The following CTNND2 variants were observed in gnomAD, a reference collection of about 807,000 sequenced individuals.
The protein encoded by CTNND2 is catenin delta 2.
In CTNND2, 22 loss-of-function variants were observed where a neutral mutation model predicts 144.4. The ratio of observed to expected loss-of-function variants is 0.15; its 90% CI spans 0.11 to 0.22. The LOEUF (loss-of-function observed/expected upper bound fraction) is 0.22, where lower values mean the gene tolerates loss of function less well. Among genes scored for constraint, CTNND2 ranks in the 10% least tolerant of loss-of-function variants. CTNND2 has a pLI of 1.00. For synonymous variants in CTNND2, 751 were observed against 695.6 expected, an observed-to-expected ratio of 1.08 and a Z score of -1.25; for missense variants, 1,353 against 1,618.8, an observed-to-expected ratio of 0.84 and a Z score of 2.82.
intron 18 of CTNND2, among the ~76,000 whole-genome samples, chr5:11,016,130 G>C (rs1741577459): frequency 6.6e-6 from 1 of 152,108 alleles, no homozygotes; most frequent in African/African-American, 2.4e-5. Context: ...TGTATAAGGA[G>C]GGCTGACTAA....
At chr5:11,078,525 A>G (rs974338754) in intron 16 of CTNND2, among the ~76,000 whole-genome samples, 1 of 152,218 alleles carries the variant, frequency 6.6e-6, no homozygotes, top group Non-Finnish European at 1.5e-5. Context: ...TGTCTCCGAG[A>G]GAAGACTAGA....
At chr5:11,269,987 A>C (rs945400289) in intron 9 of CTNND2, among the ~76,000 whole-genome samples, 2 of 152,332 alleles carry the variant, frequency 1.3e-5, no homozygotes, top group Admixed American at 1.3e-4. Flanking sequence ...AAAAATTTAC[A>C]CATGTATAAA....
chr5:11,848,653 G>C (rs1351641488), intron 1 of CTNND2, among the ~76,000 whole-genome samples: 1 of 152,118 alleles, frequency 6.6e-6, no homozygotes, highest in Non-Finnish European at 1.5e-5. Context: ...ATCATGCCAT[G>C]CTTCACACTG....
intron 1 of CTNND2, among the ~76,000 whole-genome samples, chr5:11,771,038 G>C (rs989975050): frequency 6.6e-6 from 1 of 151,958 alleles, no homozygotes; most frequent in African/African-American, 2.4e-5. Context: ...GATTCTGTCA[G>C]AATCAAATAT....
chr5:11,683,839 G>C (rs1330264822), intron 2 of CTNND2, among the ~76,000 whole-genome samples: 4 of 152,184 alleles, frequency 2.6e-5, no homozygotes, highest in Non-Finnish European at 5.9e-5. Flanking sequence ...ATGACTGGCA[G>C]ACTCTAGGTC....
At chr5:11,823,073 C>A (rs566451421) in intron 1 of CTNND2, among the ~76,000 whole-genome samples, 2 of 152,258 alleles carry the variant, frequency 1.3e-5, no homozygotes, top group East Asian at 3.9e-4. Context: ...CATTTAACTC[C>A]AAATTCCTTG....
intron 15 of CTNND2, among the ~76,000 whole-genome samples, chr5:11,097,225 G>C (rs1751439987): frequency 6.6e-6 from 1 of 152,160 alleles, no homozygotes. Flanking sequence ...AATTTAGAGA[G>C]ACATAAGATG....
intron 2 of CTNND2, among the ~76,000 whole-genome samples, chr5:11,664,139 A>G (rs188501381): frequency 1.3e-5 from 2 of 152,338 alleles, no homozygotes; most frequent in Non-Finnish European, 2.9e-5. Context: ...AATAATATAA[A>G]TTGGTTGCTA....
chr5:11,691,123 G>A (rs765846041), intron 2 of CTNND2, among the ~76,000 whole-genome samples: 167 of 152,230 alleles, frequency 1.1e-3, no homozygotes, highest in Non-Finnish European at 2.1e-3. Flanking sequence ...TGTAATCCCA[G>A]CACTTCGGGA....
intron 3 of CTNND2, among the ~76,000 whole-genome samples, chr5:11,489,213 T>C (rs1361222970): frequency 1.3e-5 from 2 of 152,184 alleles, no homozygotes; most frequent in African/African-American, 2.4e-5. Flanking sequence ...CAGAACCTAG[T>C]ACTGTTCTGT....
intron 3 of CTNND2, among the ~76,000 whole-genome samples, chr5:11,444,004 A>T (rs999297781): frequency 6.6e-6 from 1 of 152,206 alleles, no homozygotes; most frequent in Non-Finnish European, 1.5e-5. Flanking sequence ...TCAAGTCATT[A>T]ATTACTCTCC....
intron 3 of CTNND2, among the ~76,000 whole-genome samples, chr5:11,543,505 T>C (rs554902376): frequency 2.6e-5 from 4 of 152,350 alleles, no homozygotes; most frequent in South Asian, 2.1e-4. Context: ...TACACACTCA[T>C]TGATAATACA....
chr5:11,011,101 A>C (rs967395956), intron 18 of CTNND2, among the ~76,000 whole-genome samples: 1 of 152,218 alleles, frequency 6.6e-6, no homozygotes, highest in African/African-American at 2.4e-5. Context: ...TAATATTAGG[A>C]GGGATAATGC....
chr5:11,376,544 C>T (rs912111371), intron 7 of CTNND2, among the ~76,000 whole-genome samples: 11 of 152,188 alleles, frequency 7.2e-5, no homozygotes, highest in South Asian at 2.1e-4. Flanking sequence ...TGTGCATTCT[C>T]GAGTTAGAAT....
intron 2 of CTNND2, among the ~76,000 whole-genome samples, chr5:11,696,299 G>C (rs918528425): frequency 2.0e-5 from 3 of 149,286 alleles, no homozygotes; most frequent in African/African-American, 7.7e-5. Context: ...TTCTTCTTTT[G>C]AATTGTTTCC....
intron 3 of CTNND2, among the ~76,000 whole-genome samples, chr5:11,563,760 A>G (rs1776857854): frequency 6.6e-6 from 1 of 152,186 alleles, no homozygotes; most frequent in Admixed American, 6.5e-5. Flanking sequence ...AAAAACACTA[A>G]GCAATGTTAA....
chr5:11,745,181 T>A (rs1788241246), intron 1 of CTNND2, among the ~76,000 whole-genome samples: 1 of 152,240 alleles, frequency 6.6e-6, no homozygotes, highest in Non-Finnish European at 1.5e-5. Flanking sequence ...ATTTGCATTT[T>A]CTTGGAATTC....
At chr5:11,510,132 T>G (rs1336264531) in intron 3 of CTNND2, among the ~76,000 whole-genome samples, 1 of 152,050 alleles carries the variant, frequency 6.6e-6, no homozygotes, top group African/African-American at 2.4e-5. Flanking sequence ...AGAGATGATG[T>G]CTCCCTAATT....
rs906768059 is a variant in CTNND2 at position 11,746,041 on chromosome 5, G to A, written c.38-13769C>T. Among the ~76,000 whole-genome samples, 5 of 152,282 alleles carry A rather than the reference G, an allele frequency of 3.3e-5. No homozygotes were observed. In the East Asian group the frequency reaches 7.7e-4, roughly 24 times the overall value. On this transcript the variant is annotated intron_variant, in intron 1 of 21. Coordinates refer to ENST00000304623, the MANE Select transcript of CTNND2 (RefSeq NM_001332.4). ...AAACAGTTCAGAAACCACTGACACA[G>A]AGGATAGAGTTCGATCTGCTTTGCA... is the stretch of plus-strand genomic sequence containing the variant.
Sources: gnomAD v4.1 joint callset for allele counts (sites outside exome capture counted in the v4.1 genomes callset) on GRCh38, gnomAD v4.1.1 for gene constraint, MANE v1.5 for transcripts, NCBI Gene and HGNC (gene_info 2026-07-23, HGNC 2026-07-21) for gene names.